Variants in TMTC2 observed in about 807,000 individuals in gnomAD.
TMTC2 encodes the protein protein O-mannosyl-transferase TMTC2.
In TMTC2, 43 loss-of-function variants were observed where a neutral mutation model predicts 82.4. The ratio of observed to expected loss-of-function variants is 0.52; its 90% CI spans 0.41 to 0.67. TMTC2 has a LOEUF of 0.67. Among genes scored for constraint, TMTC2 ranks in the 30% least tolerant of loss-of-function variants. The pLI is 0.00. For synonymous variants in TMTC2, 408 were observed against 381.9 expected (o/e 1.07, Z -0.80); for missense variants, 919 against 1,012.4 (o/e 0.91, Z 1.25).
intron 8 of TMTC2, among the ~76,000 whole-genome samples, chr12:82,995,547 G>A (rs1026825541): frequency 3.3e-5 from 5 of 152,138 alleles, no homozygotes; most frequent in African/African-American, 1.2e-4. Context: ...AGCCTGCAGA[G>A]CTATGGAGTG....
intron 1 of TMTC2, among the ~76,000 whole-genome samples, chr12:82,706,199 C>T (rs1478161030): frequency 6.6e-6 from 1 of 151,658 alleles, no homozygotes; most frequent in Admixed American, 6.6e-5. Context: ...ATCCTAGCCA[C>T]TAGGGAGGCT....
chr12:82,990,177 C>G (rs1879341198), intron 8 of TMTC2, among the ~76,000 whole-genome samples: 1 of 152,080 alleles, frequency 6.6e-6, no homozygotes, highest in Non-Finnish European at 1.5e-5. Flanking sequence ...GGTGTTTTCA[C>G]TCTTTAATCA....
chr12:83,037,071 C>T (rs1881693113), intron 9 of TMTC2, among the ~76,000 whole-genome samples: 1 of 152,190 alleles, frequency 6.6e-6, no homozygotes, highest in Non-Finnish European at 1.5e-5. Flanking sequence ...CTACCATCAT[C>T]ACCATATTGA....
intron 4 of TMTC2, among the ~76,000 whole-genome samples, chr12:82,933,332 A>G (rs1015267621): frequency 6.6e-6 from 1 of 152,202 alleles, no homozygotes; most frequent in Non-Finnish European, 1.5e-5. Context: ...ATATAATATT[A>G]TAAATATGTT....
At chr12:83,082,977 C>T (rs115167488) in intron 11 of TMTC2, among the ~76,000 whole-genome samples, 13 of 152,262 alleles carry the variant, frequency 8.5e-5, no homozygotes, top group African/African-American at 2.6e-4. Flanking sequence ...AAACAGTAAA[C>T]GGGGCTTCAT....
Position 82,817,112 on chromosome 12 carries a change from C to T in TMTC2, c.84-39898C>T, listed in dbSNP as rs562871900. Among the ~76,000 whole-genome samples the T allele has an allele frequency of 1.3e-4, 20 of 151,506 alleles. No individual in the cohort carries two copies. The East Asian group carries it at 2.7e-3, about 21-fold the overall frequency. On this transcript the variant is annotated intron_variant, in intron 1 of 11. Transcript: ENST00000321196. ...CCTCCCAAGTAGCTGGGATTATAGG[C>T]GCCCGCCACCACACCCTTGCTAATT...
intron 2 of TMTC2, among the ~76,000 whole-genome samples, chr12:82,858,192 C>T (rs1871354485): frequency 6.6e-6 from 1 of 152,186 alleles, no homozygotes; most frequent in African/African-American, 2.4e-5. Context: ...CATATTTGTT[C>T]TCCCGTATTC....
At chr12:82,810,337 G>T (rs1243855296) in intron 1 of TMTC2, among the ~76,000 whole-genome samples, 1 of 151,292 alleles carries the variant, frequency 6.6e-6, no homozygotes. Context: ...CAAGGGTGCA[G>T]TGTTTATTTG....
chr12:82,738,268 C>G (rs1422820417), intron 1 of TMTC2, among the ~76,000 whole-genome samples: 1 of 152,200 alleles, frequency 6.6e-6, no homozygotes, highest in Non-Finnish European at 1.5e-5. Context: ...AAAAGTGCAT[C>G]TATCTTTACT....
At chr12:82,713,010 G>A (rs1873705189) in intron 1 of TMTC2, among the ~76,000 whole-genome samples, 3 of 152,124 alleles carry the variant, frequency 2.0e-5, no homozygotes, top group South Asian at 4.1e-4. Flanking sequence ...TGGCGATGAT[G>A]TGAAAATGAG....
At chr12:82,975,140 T>G (rs1396736339) in intron 7 of TMTC2, among the ~76,000 whole-genome samples, 1 of 152,170 alleles carries the variant, frequency 6.6e-6, no homozygotes, top group African/African-American at 2.4e-5. Flanking sequence ...TATCTTTTAG[T>G]TCAAAGCATT....
At chr12:82,929,157 C>T (rs966467552) in intron 3 of TMTC2, among the ~76,000 whole-genome samples, 1 of 152,026 alleles carries the variant, frequency 6.6e-6, no homozygotes, top group African/African-American at 2.4e-5. Flanking sequence ...TCACTGTAGC[C>T]TCGACTCTAT....
chr12:82,830,887 T>G (rs1289021005), intron 1 of TMTC2, among the ~76,000 whole-genome samples: 1 of 152,116 alleles, frequency 6.6e-6, no homozygotes, highest in East Asian at 1.9e-4. Context: ...TACCATATAT[T>G]TTACATGGAA....
At chr12:82,845,026 A>C in intron 1 of TMTC2, among the ~76,000 whole-genome samples, 1 of 150,670 alleles carries the variant, frequency 6.6e-6, no homozygotes, top group South Asian at 2.1e-4. Flanking sequence ...TCAGGAGTTC[A>C]AGACCAGCCT....
chr12:82,988,021 C>T (rs1879240342), intron 8 of TMTC2, among the ~76,000 whole-genome samples: 1 of 152,104 alleles, frequency 6.6e-6, no homozygotes, highest in Admixed American at 6.5e-5. Flanking sequence ...GAAGAAGTTA[C>T]TGGAGATGTT....
At chr12:83,003,264 T>G (rs1327088656) in intron 8 of TMTC2, among the ~76,000 whole-genome samples, 9 of 152,172 alleles carry the variant, frequency 5.9e-5, no homozygotes, top group African/African-American at 9.7e-5. Context: ...CCTATCCCTT[T>G]GTCAGACAGG....
Position 82,870,444 on chromosome 12 carries a change from T to A in TMTC2, c.654+12864T>A, listed in dbSNP as rs1236341033. ...AACATGGTGTTACTGTTTGAAATAG[T>A]TTATCCCTCAGTAGAGGTCTCTTCT... On this transcript the variant is annotated intron_variant, in intron 2 of 11. Transcript: ENST00000321196. Among the ~76,000 whole-genome samples the A allele has an allele frequency of 2.0e-5, 3 of 152,246 alleles. No homozygotes were observed. In the East Asian group the frequency reaches 5.8e-4, roughly 29 times the overall value.
At chr12:83,091,367 C>T (rs1032196125) in intron 11 of TMTC2, among the ~76,000 whole-genome samples, 1 of 152,138 alleles carries the variant, frequency 6.6e-6, no homozygotes, top group Non-Finnish European at 1.5e-5. Context: ...CAGAAAGTCT[C>T]CTTTTGCATA....
At chr12:83,122,775 CA>C (rs1884994592) in intron 11 of TMTC2, among the ~76,000 whole-genome samples, 1 of 152,110 alleles carries the variant, frequency 6.6e-6, no homozygotes, top group Non-Finnish European at 1.5e-5. Flanking sequence ...AGCAAAAATT[CA>C]GCATGGATCC....
Sources: allele counts gnomAD v4.1 joint callset (sites outside exome capture counted in the v4.1 genomes callset), GRCh38; gene constraint gnomAD v4.1.1; transcripts MANE v1.5; gene names NCBI Gene and HGNC (gene_info 2026-07-23, HGNC 2026-07-21).